NLGN1: variants seen among roughly 807,000 people sequenced by gnomAD.
NLGN1 encodes neuroligin-1.
A neutral mutation model predicts 65.5 loss-of-function variants in NLGN1; 12 were observed. The ratio of observed to expected loss-of-function variants is 0.18; its 90% CI spans 0.12 to 0.30. The LOEUF (loss-of-function observed/expected upper bound fraction) is 0.30. NLGN1 is among the 10% of genes least tolerant of loss of function. The pLI, the probability that NLGN1 is intolerant of heterozygous loss-of-function variation, is 1.00. For missense variants in NLGN1, 750 were observed against 1,007.1 expected (o/e 0.74, Z 3.46); for synonymous variants, 350 against 359.5 (o/e 0.97, Z 0.30).
intron 2 of NLGN1, among the ~76,000 whole-genome samples, chr3:173,519,948 G>C (rs1162866296): frequency 6.6e-6 from 1 of 152,140 alleles, no homozygotes; most frequent in Non-Finnish European, 1.5e-5. Context: ...AAGTGTTGGA[G>C]GTGGGACCTG....
At chr3:173,764,130 A>G (rs376450253) in intron 3 of NLGN1, among the ~76,000 whole-genome samples, 8 of 152,194 alleles carry the variant, frequency 5.3e-5, no homozygotes, top group African/African-American at 1.7e-4. Flanking sequence ...AACAAACAAC[A>G]AAAGCTCTGT....
chr3:174,269,502 A>G (rs1367701657), intron 4 of NLGN1, among the ~76,000 whole-genome samples: 2 of 151,978 alleles, frequency 1.3e-5, no homozygotes, highest in East Asian at 1.9e-4. Context: ...ATGTTGTAGC[A>G]TGTAACAAGA....
intron 1 of NLGN1, among the ~76,000 whole-genome samples, chr3:173,433,915 G>A (rs532051874): frequency 5.3e-5 from 8 of 152,204 alleles, no homozygotes; most frequent in East Asian, 1.9e-4. Flanking sequence ...TAATTAATTA[G>A]CATTAAGATT....
chr3:174,222,276 G>A (rs2152806786), intron 4 of NLGN1, among the ~76,000 whole-genome samples: 1 of 149,406 alleles, frequency 6.7e-6, no homozygotes, highest in South Asian at 2.1e-4. Flanking sequence ...AAACCTCTTA[G>A]ATAGTTATAG....
intron 3 of NLGN1, among the ~76,000 whole-genome samples, chr3:173,791,283 T>A (rs1226382356): frequency 6.6e-6 from 1 of 152,150 alleles, no homozygotes; most frequent in South Asian, 2.1e-4. Flanking sequence ...TGTACAAGCA[T>A]TTCACTCTCT....
At chr3:173,858,284 A>G (rs980740680) in intron 4 of NLGN1, among the ~76,000 whole-genome samples, 7 of 152,080 alleles carry the variant, frequency 4.6e-5, no homozygotes, top group Non-Finnish European at 1.0e-4. Context: ...GAGTTCTGTC[A>G]GATTCCTCTG....
At chr3:174,127,505 A>T (rs1034696296) in intron 4 of NLGN1, among the ~76,000 whole-genome samples, 4 of 152,002 alleles carry the variant, frequency 2.6e-5, no homozygotes, top group Admixed American at 6.6e-5. Flanking sequence ...AAATAGTAAT[A>T]CTCCCTCCTT....
intron 4 of NLGN1, among the ~76,000 whole-genome samples, chr3:174,041,158 A>G (rs186841597): frequency 7.2e-5 from 11 of 152,202 alleles, no homozygotes; most frequent in African/African-American, 2.2e-4. Context: ...CCTGTCCCCA[A>G]AGTTTTAATC....
chr3:173,480,922 A>G (rs13324648), intron 2 of NLGN1, among the ~76,000 whole-genome samples: 1,602 of 152,208 alleles, frequency 0.011, 30 homozygotes, highest in African/African-American at 0.037. Flanking sequence ...GTGTACGTGT[A>G]TGTGTGTCTA....
At chr3:173,454,772 C>A (rs1489178704) in intron 2 of NLGN1, among the ~76,000 whole-genome samples, 1 of 152,176 alleles carries the variant, frequency 6.6e-6, no homozygotes, top group Non-Finnish European at 1.5e-5. Context: ...ATCCAGACTA[C>A]TAAAATTTTC....
chr3:173,668,311 G>GA (rs1761988760), intron 3 of NLGN1, among the ~76,000 whole-genome samples: 1 of 152,246 alleles, frequency 6.6e-6, no homozygotes, highest in East Asian at 1.9e-4. Flanking sequence ...AATATTGCCA[G>GA]CAGAAGTAAT....
intron 2 of NLGN1, among the ~76,000 whole-genome samples, chr3:173,441,896 T>G (rs1419518085): frequency 6.6e-6 from 1 of 152,196 alleles, no homozygotes; most frequent in African/African-American, 2.4e-5. Flanking sequence ...ATTTGAAGTA[T>G]ACATTAAATC....
chr3:174,290,431 G>A (rs1445781719), downstream of NLGN1, among the ~76,000 whole-genome samples: 1 of 150,504 alleles, frequency 6.6e-6, no homozygotes, highest in Non-Finnish European at 1.5e-5. Flanking sequence ...ATCAATCCCA[G>A]ACAAATTAAA....
chr3:173,816,900 G>T (rs1014626004), intron 4 of NLGN1, among the ~76,000 whole-genome samples: 1 of 152,202 alleles, frequency 6.6e-6, no homozygotes, highest in Non-Finnish European at 1.5e-5. Context: ...ATCACTTCGT[G>T]CCATCTCCCT....
At chr3:173,746,789 T>C (rs764803592) in intron 3 of NLGN1, among the ~76,000 whole-genome samples, 12 of 152,030 alleles carry the variant, frequency 7.9e-5, no homozygotes, top group Non-Finnish European at 1.6e-4. Context: ...GGGGTGCTAA[T>C]CTCAGCACTT....
intron 4 of NLGN1, among the ~76,000 whole-genome samples, chr3:174,177,582 T>C (rs539719314): frequency 6.6e-6 from 1 of 152,188 alleles, no homozygotes; most frequent in East Asian, 1.9e-4. Flanking sequence ...GTTAAATTTA[T>C]GGAATAGAGT....
chr3:173,436,472 C>G lies in NLGN1; in HGVS notation c.-321+1394C>G, dbSNP rs9810556. On this transcript the variant is annotated intron_variant, in intron 2 of 6. Coordinates refer to ENST00000457714, the Ensembl canonical transcript of NLGN1. ...TGACCCATCTGTCATGATTTGAGGA[C>G]CTTACATTAGGGAAGTCAAATAGGG... 2.7e-3 allele frequency among the ~76,000 whole-genome samples: 415 copies of G among 152,252 alleles called. 3 individuals are homozygous for G. The highest frequency in any genetic ancestry group is 9.4e-3 in the African/African-American group (390 of 41,536).
At chr3:173,460,958 A>G (rs576200260) in intron 2 of NLGN1, among the ~76,000 whole-genome samples, 7 of 152,168 alleles carry the variant, frequency 4.6e-5, no homozygotes, top group African/African-American at 9.7e-5. Flanking sequence ...TGAGATTGAA[A>G]GAGACTTAGT....
chr3:173,746,940 TC>T (rs1775478481), intron 3 of NLGN1, among the ~76,000 whole-genome samples: 1 of 151,720 alleles, frequency 6.6e-6, no homozygotes, highest in African/African-American at 2.4e-5. Flanking sequence ...GCATCTGTAG[TC>T]CCAGCTACTA....
Sources: allele counts gnomAD v4.1 joint callset (sites outside exome capture counted in the v4.1 genomes callset), GRCh38; gene constraint gnomAD v4.1.1; transcripts MANE v1.5; gene names NCBI Gene and HGNC (gene_info 2026-07-23, HGNC 2026-07-21).